The following KIAA0586 variants were observed in gnomAD, a reference collection of about 807,000 sequenced individuals.
KIAA0586 encodes the protein KIAA0586.
A neutral mutation model predicts 169.8 loss-of-function variants in KIAA0586; 144 were observed. That is an observed-to-expected ratio of 0.85 (90% CI 0.74 to 0.97). KIAA0586 has a LOEUF of 0.97. Ranked by LOEUF, KIAA0586 falls within the 50% of genes least tolerant of loss-of-function variation. KIAA0586 has a pLI of 0.00. For missense variants in KIAA0586, 1,854 were observed against 1,823.0 expected (o/e 1.02, Z -0.31); for synonymous variants, 625 against 612.4 (o/e 1.02, Z -0.30).
At chr14:58,500,371 A>G (rs1340522731) in intron 27 of KIAA0586, among the ~76,000 whole-genome samples, 2 of 152,180 alleles carry the variant, frequency 1.3e-5, no homozygotes, top group Non-Finnish European at 2.9e-5. Context: ...TCTAACATGT[A>G]TATTTTCTCC....
rs1176783888 is a variant in KIAA0586 at position 58,461,165 on chromosome 14, G to A, written c.2059+5G>A. 1.9e-6 allele frequency: 3 copies of A among 1,539,630 alleles called. No homozygotes were observed. Among genetic ancestry groups the A allele is most frequent in the African/African-American group, 2.8e-5 (2 of 70,912 alleles). The stretch of plus-strand genomic sequence containing the variant: ...AAGTAATAGAACGAGTTAAAGGTAA[G>A]GAATCTCATTTTTAATGTTTAATCT... On this transcript the variant is annotated splice_donor_5th_base_variant and intron_variant, in intron 14 of 30. Coordinates refer to ENST00000652326, the MANE Select transcript of KIAA0586 (RefSeq NM_001329943.3).
intron 29 of KIAA0586, among the ~76,000 whole-genome samples, chr14:58,524,407 G>A (rs2045436502): frequency 6.6e-6 from 1 of 152,164 alleles, no homozygotes; most frequent in South Asian, 2.1e-4. Flanking sequence ...AATTCTCCGG[G>A]AGTATTTATT....
intron 3 of KIAA0586, among the ~76,000 whole-genome samples, chr14:58,431,437 A>T (rs990333664): frequency 6.8e-6 from 1 of 146,750 alleles, no homozygotes; most frequent in African/African-American, 2.5e-5. Flanking sequence ...TAATTTTTCT[A>T]TTTTTTTTTT....
At chr14:58,497,283 G>C (rs2043218138) in intron 26 of KIAA0586, among the ~76,000 whole-genome samples, 1 of 151,154 alleles carries the variant, frequency 6.6e-6, no homozygotes. Flanking sequence ...AACGATTTTT[G>C]TGCTTTTTGT....
chr14:58,534,725 A>G (rs2046180467), intron 29 of KIAA0586, among the ~76,000 whole-genome samples: 1 of 152,200 alleles, frequency 6.6e-6, no homozygotes, highest in African/African-American at 2.4e-5. Context: ...TAGTGTAACT[A>G]TTTATTTGAT....
chr14:58,521,713 C>T (rs1393942774), intron 29 of KIAA0586: 8 of 868,294 alleles, frequency 9.2e-6, no homozygotes, highest in Admixed American at 1.7e-5. Flanking sequence ...TCTTAGAAAA[C>T]CTAGAAGAAA....
In KIAA0586 at chr14:58,448,488, A is replaced by G. The variant is rs1297972335; in HGVS notation, c.956A>G (p.Lys319Arg). The change falls in exon 7 of 31, where the codon AAA becomes AGA. Residue 319 changes from lysine (K) to arginine (R), a missense_variant. Lys to Arg is a conservative substitution (Grantham distance 26). Coordinates refer to ENST00000652326, the MANE Select transcript of KIAA0586 (RefSeq NM_001329943.3). ...NPSLYNTFAS[K>R]QAPLKEVEDT... ...TCTTTATATAACACATTTGCTTCCA[A>G]ACAAGGTAAAAATATGTAGTTCTCT... 2.5e-6 allele frequency: 4 copies of G among 1,601,768 alleles called. No homozygotes were observed. Among genetic ancestry groups the G allele is most frequent in the Admixed American group, 3.4e-5 (2 of 58,270 alleles).
In KIAA0586 at chr14:58,508,722, T is replaced by C; in HGVS notation, c.4323+13T>C. ...AGATTTTTCCCAGGTACCAAATTAA[T>C]AGCACTTGTATTTTACTTAAAATGA... is the stretch of plus-strand genomic sequence containing the variant. On this transcript the variant is annotated intron_variant, in intron 28 of 30. Coordinates refer to ENST00000652326, the MANE Select transcript of KIAA0586 (RefSeq NM_001329943.3). 1 of 1,561,908 alleles carries C rather than the reference T, an allele frequency of 6.4e-7. No individual in the cohort carries two copies. The highest frequency in any genetic ancestry group is 8.7e-7 in the Non-Finnish European group (1 of 1,148,814).
At chr14:58,464,892 A>G (rs1490474883) in intron 14 of KIAA0586, among the ~76,000 whole-genome samples, 2 of 152,072 alleles carry the variant, frequency 1.3e-5, no homozygotes, top group African/African-American at 4.8e-5. Flanking sequence ...TTATCGCGCT[A>G]CTCAGAACAG....
chr14:58,514,882 A>G lies in KIAA0586; in HGVS notation c.4429+2255A>G, dbSNP rs1202102626. Among the ~76,000 whole-genome samples, 4 of 152,222 alleles carry G rather than the reference A, an allele frequency of 2.6e-5. No individual in the cohort carries two copies. In the East Asian group the frequency reaches 7.7e-4, roughly 29 times the overall value. On this transcript the variant is annotated intron_variant, in intron 29 of 30. Transcript: ENST00000652326. ...ATTTCTATTTTTCCCCCTTTGCTGT[A>G]CAAGTTAATTTTTACTCATCTTTTG...
chr14:58,445,589 A>G (rs1264718359), intron 6 of KIAA0586, among the ~76,000 whole-genome samples: 2 of 151,774 alleles, frequency 1.3e-5, no homozygotes, highest in Non-Finnish European at 2.9e-5. Context: ...CTGCGCCACC[A>G]TGCCCAGCTA....
intron 29 of KIAA0586, among the ~76,000 whole-genome samples, chr14:58,536,339 A>G (rs113086072): frequency 3.4e-4 from 48 of 139,944 alleles, no homozygotes; most frequent in African/African-American, 1.2e-3. Context: ...TATTATTTCT[A>G]TCCGTATGTC....
chr14:58,525,139 TGAG>T (rs1160117148), intron 29 of KIAA0586, among the ~76,000 whole-genome samples: 1 of 152,094 alleles, frequency 6.6e-6, no homozygotes, highest in Non-Finnish European at 1.5e-5. Flanking sequence ...AGGATGCTGG[TGAG>T]GAAATGCTAA....
intron 29 of KIAA0586, among the ~76,000 whole-genome samples, chr14:58,524,181 C>T (rs982757432): frequency 3.3e-5 from 5 of 152,132 alleles, no homozygotes; most frequent in South Asian, 2.1e-4. Flanking sequence ...AGCAATTCAC[C>T]GGTGAGTGAT....
intron 16 of KIAA0586, among the ~76,000 whole-genome samples, chr14:58,470,345 A>C (rs2041112399): frequency 6.6e-6 from 1 of 152,152 alleles, no homozygotes. Context: ...ATAAGTAGAT[A>C]GTAAAAGACA....
At chr14:58,459,758 CA>C (rs2040175463) in intron 12 of KIAA0586, 84 bp from the exon 13 acceptor site, 2 of 765,792 alleles carry the variant, frequency 2.6e-6, no homozygotes, top group African/African-American at 3.5e-5. Context: ...TATATAGCAG[CA>C]AAAAATAAAT....
At chr14:58,466,983 A>C (rs1242006040) in intron 15 of KIAA0586, among the ~76,000 whole-genome samples, 2 of 152,178 alleles carry the variant, frequency 1.3e-5, no homozygotes, top group Non-Finnish European at 2.9e-5. Context: ...CCAGCTGTTC[A>C]AGTCTAATTA....
chr14:58,432,242 A>T, intron 3 of KIAA0586, 146 bp from the exon 4 acceptor site: 1 of 573,254 alleles, frequency 1.7e-6, no homozygotes, highest in South Asian at 2.4e-5. Flanking sequence ...TAATCACTTA[A>T]TTTGTTCCTT....
Position 58,428,131 on chromosome 14 carries a change from AT to A in KIAA0586, c.-130del. Reference sequence around the variant, plus strand: ...TCCTGGATTCAATATCAGAATTTAGATTTTCAGCTTTGTGGATGTTCGACAT... The same window carrying A: ...TCCTGGATTCAATATCAGAATTTAGATTTCAGCTTTGTGGATGTTCGACAT... On this transcript the variant is annotated 5_prime_UTR_variant, in exon 1 of 31. Coordinates refer to ENST00000652326, the MANE Select transcript of KIAA0586 (RefSeq NM_001329943.3). 1 of 1,469,294 alleles carries A rather than the reference AT, an allele frequency of 6.8e-7. No homozygotes were observed. The highest frequency in any genetic ancestry group is 2.5e-5 in the East Asian group (1 of 40,486). 91.0% of individuals were successfully genotyped at this position (1,469,294 alleles called of 1,614,324 possible). A position where few individuals can be genotyped will look rare whatever the true frequency, so the allele number is the denominator to read the frequency against.
Sources: allele counts gnomAD v4.1 joint callset (sites outside exome capture counted in the v4.1 genomes callset), GRCh38; gene constraint gnomAD v4.1.1; transcripts MANE v1.5; gene names NCBI Gene and HGNC (gene_info 2026-07-23, HGNC 2026-07-21).